Variants in GTF2I observed in about 807,000 individuals in gnomAD.
The protein encoded by GTF2I is general transcription factor IIi, also known as general transcription factor II-I.
GTF2I carries 12 observed loss-of-function variants against 67.6 expected under a neutral mutation model. The ratio of observed to expected loss-of-function variants is 0.18; its 90% CI spans 0.11 to 0.29. The LOEUF is 0.29. Ranked by LOEUF, GTF2I falls within the 10% of genes least tolerant of loss-of-function variation. The pLI is 1.00. For missense variants in GTF2I, 271 were observed against 580.1 expected (o/e 0.47, Z 5.47); for synonymous variants, 149 against 197.0 (o/e 0.76, Z 2.04).
chr7:74,734,084 GTC>G, intron 16 of GTF2I, 103 bp downstream of exon 16: 1 of 622,678 alleles, frequency 1.6e-6, no homozygotes. Flanking sequence ...GAAATAATAT[GTC>G]TCTAACTATT....
At chr7:74,687,177 C>T (rs955552031) in intron 1 of GTF2I, among the ~76,000 whole-genome samples, 3 of 152,040 alleles carry the variant, frequency 2.0e-5, no homozygotes, top group African/African-American at 7.2e-5. Flanking sequence ...AGGTTTGAGC[C>T]ACTGGGCCCA....
At chr7:74,681,705 A>T (rs917033255) in intron 1 of GTF2I, among the ~76,000 whole-genome samples, 1 of 152,232 alleles carries the variant, frequency 6.6e-6, no homozygotes, top group Non-Finnish European at 1.5e-5. Flanking sequence ...TGAGATCAGA[A>T]GTTCGAGACC....
intron 1 of GTF2I, among the ~76,000 whole-genome samples, chr7:74,678,978 GC>G (rs1361549379): frequency 6.6e-6 from 1 of 151,906 alleles, no homozygotes; most frequent in Non-Finnish European, 1.5e-5. Flanking sequence ...TAGCATGTTG[GC>G]CAGGCTGGTC....
chr7:74,666,523 T>TC (rs1554388582), intron 1 of GTF2I, among the ~76,000 whole-genome samples: 1 of 54,826 alleles, frequency 1.8e-5, no homozygotes, highest in East Asian at 1.6e-3. Context: ...TTCTTCGTTT[T>TC]CCCCCCCGGT....
intron 1 of GTF2I, among the ~76,000 whole-genome samples, chr7:74,663,987 G>A (rs1291121966): frequency 6.6e-6 from 1 of 151,930 alleles, no homozygotes; most frequent in Non-Finnish European, 1.5e-5. Flanking sequence ...CCGCCACCAT[G>A]CCCGGCTAAT....
chr7:74,699,424 C>G (rs1399948833), intron 4 of GTF2I: 2 of 156,662 alleles, frequency 1.3e-5, no homozygotes, highest in Non-Finnish European at 2.8e-5. Context: ...CCCTGAGTAA[C>G]TAGGATTACA....
intron 1 of GTF2I, among the ~76,000 whole-genome samples, chr7:74,681,299 G>A (rs1787247540): frequency 1.3e-5 from 2 of 152,166 alleles, no homozygotes; most frequent in African/African-American, 4.8e-5. Context: ...GCTGGGTTTG[G>A]TGGCAGGCAC....
chr7:74,676,386 G>A (rs986856073), intron 1 of GTF2I, among the ~76,000 whole-genome samples: 1 of 152,130 alleles, frequency 6.6e-6, no homozygotes, highest in African/African-American at 2.4e-5. Context: ...GGGAGACTGA[G>A]GTAGGAGGAT....
At chr7:74,665,163 A>G (rs1202369653) in intron 1 of GTF2I, among the ~76,000 whole-genome samples, 1 of 151,176 alleles carries the variant, frequency 6.6e-6, no homozygotes, top group African/African-American at 2.4e-5. Flanking sequence ...GCTGGTCTCG[A>G]ACTCCTGACC....
At chr7:74,658,801 C>A (rs587739195) in intron 1 of GTF2I, among the ~76,000 whole-genome samples, 1 of 151,996 alleles carries the variant, frequency 6.6e-6, no homozygotes, top group East Asian at 1.9e-4. Context: ...AGGAAAACTT[C>A]AGCTTTAGGC....
chr7:74,679,171 C>T (rs587597680), intron 1 of GTF2I, among the ~76,000 whole-genome samples: 2 of 152,066 alleles, frequency 1.3e-5, no homozygotes, highest in South Asian at 2.1e-4. Flanking sequence ...CTCCGCCTCC[C>T]GGGTTCAAGG....
intron 3 of GTF2I, among the ~76,000 whole-genome samples, chr7:74,691,588 G>A (rs1172319086): frequency 6.6e-6 from 1 of 152,176 alleles, no homozygotes; most frequent in African/African-American, 2.4e-5. Context: ...ATTTCAAAAT[G>A]CTCAAAAGGA....
At chr7:74,707,381 C>T (rs762085232) in intron 8 of GTF2I, among the ~76,000 whole-genome samples, 14 of 152,196 alleles carry the variant, frequency 9.2e-5, no homozygotes, top group Non-Finnish European at 2.1e-4. Flanking sequence ...CTTCCCCAGC[C>T]CCTTCCCCGG....
At chr7:74,680,569 G>A (rs1228443867) in intron 1 of GTF2I, among the ~76,000 whole-genome samples, 3 of 151,780 alleles carry the variant, frequency 2.0e-5, no homozygotes, top group African/African-American at 4.8e-5. Context: ...AGTGAGACCC[G>A]ATCTCTACTA....
intron 12 of GTF2I, among the ~76,000 whole-genome samples, chr7:74,724,656 T>G (rs117480864): frequency 0.033 from 4,960 of 152,170 alleles, 132 homozygotes; most frequent in Middle Eastern, 0.095. Flanking sequence ...GGGCCAGGTG[T>G]GGTGGTGTAA....
chr7:74,670,997 T>A (rs1401727972), intron 1 of GTF2I, among the ~76,000 whole-genome samples: 1 of 151,976 alleles, frequency 6.6e-6, no homozygotes, highest in Non-Finnish European at 1.5e-5. Context: ...TTTTTCCTTG[T>A]TTGTTTTTTA....
chr7:74,704,336 G>C (rs187858721), intron 6 of GTF2I, among the ~76,000 whole-genome samples: 1 of 147,864 alleles, frequency 6.8e-6, no homozygotes, highest in Admixed American at 6.9e-5. Context: ...TGTCGCCCAG[G>C]CTGGAGTGCA....
chr7:74,730,769 C>A (rs1162506228), intron 14 of GTF2I, among the ~76,000 whole-genome samples: 1 of 102,960 alleles, frequency 9.7e-6, no homozygotes, highest in African/African-American at 3.8e-5. Flanking sequence ...TGCAGTAGTA[C>A]AATCTCGGCT....
chr7:74,716,825 C>A, intron 10 of GTF2I, 69 bp from the exon 11 acceptor site: 1 of 1,008,604 alleles, frequency 9.9e-7, no homozygotes, highest in South Asian at 1.3e-5. Context: ...GCATTGTTAC[C>A]TAGATTCTCT....
Sources: gnomAD v4.1 joint callset for allele counts (sites outside exome capture counted in the v4.1 genomes callset) on GRCh38, gnomAD v4.1.1 for gene constraint, MANE v1.5 for transcripts, NCBI Gene and HGNC (gene_info 2026-07-23, HGNC 2026-07-21) for gene names.